Variants in CLPTM1 observed in about 807,000 individuals in gnomAD.
CLPTM1 encodes the protein CLPTM1 regulator of GABA type A receptor forward trafficking, also known as putative lipid scramblase CLPTM1.
Under a neutral mutation model 77.3 loss-of-function variants are expected in CLPTM1, and 21 were observed. The ratio of observed to expected loss-of-function variants is 0.27; its 90% CI spans 0.19 to 0.39. The LOEUF (loss-of-function observed/expected upper bound fraction) is 0.39. CLPTM1 is among the 10% of genes least tolerant of loss of function. The probability of loss-of-function intolerance (pLI) is 1.00; values close to 1 mark genes in which losing one functional copy is unlikely to be tolerated. For synonymous variants in CLPTM1, 373 were observed against 381.0 expected (o/e 0.98, Z 0.24); for missense variants, 642 against 921.2 (o/e 0.70, Z 3.92).
At chr19:44,965,262 G>A (rs966564469) in intron 2 of CLPTM1, among the ~76,000 whole-genome samples, 28 of 152,174 alleles carry the variant, frequency 1.8e-4, no homozygotes, top group African/African-American at 6.8e-4. Context: ...CACTTTGGGA[G>A]ACCGAGGCAG....
chr19:44,975,490 G>A (rs976495635), intron 4 of CLPTM1, among the ~76,000 whole-genome samples: 2 of 152,192 alleles, frequency 1.3e-5, no homozygotes, highest in African/African-American at 4.8e-5. Context: ...TTGGGGTGGA[G>A]GGCACATTTC....
Position 44,991,379 on chromosome 19 carries a change from C to T in CLPTM1, c.1555+6C>T, listed in dbSNP as rs767955518. The T allele has an allele frequency of 6.3e-5, 101 of 1,609,920 alleles. 1 individual carries two copies. The highest frequency in any genetic ancestry group is 2.4e-5 in the Non-Finnish European group (28 of 1,179,728). On this transcript the variant is annotated splice_donor_region_variant and intron_variant, in intron 12 of 13. Transcript: ENST00000337392. The surrounding 1 kb of genome is among the most constrained non-coding windows in gnomAD (Gnocchi z 5.4). ...CGGCTTCCTGCTGACCTTCGGTGAG[C>T]GGTCCGGCCGCCCCAGGAGAGAGCA... is the stretch of plus-strand genomic sequence containing the variant.
At chr19:44,978,543 G>A (rs949896817) in intron 5 of CLPTM1, among the ~76,000 whole-genome samples, 13 of 152,202 alleles carry the variant, frequency 8.5e-5, no homozygotes, top group African/African-American at 3.1e-4. Flanking sequence ...TGAGGTGGGA[G>A]GATCGCTTGA....
At chr19:44,955,647 G>A in intron 1 of CLPTM1, 180 bp downstream of exon 1, 1 of 545,384 alleles carries the variant, frequency 1.8e-6, no homozygotes, top group South Asian at 9.6e-5. Context: ...CCGGGAACAG[G>A]GCCCTGTTGC....
chr19:44,984,118 G>A (rs934808741), intron 5 of CLPTM1, among the ~76,000 whole-genome samples: 1 of 152,244 alleles, frequency 6.6e-6, no homozygotes, highest in East Asian at 1.9e-4. Flanking sequence ...GCCAACTCCT[G>A]GCTGGGGATT....
intron 2 of CLPTM1, among the ~76,000 whole-genome samples, chr19:44,972,793 G>A (rs1970742316): frequency 6.6e-6 from 1 of 151,890 alleles, no homozygotes; most frequent in Non-Finnish European, 1.5e-5. Context: ...GCAGCCCTGT[G>A]GTCACCAGGA....
chr19:44,981,483 G>A (rs547972787), intron 5 of CLPTM1, among the ~76,000 whole-genome samples: 6 of 152,206 alleles, frequency 3.9e-5, no homozygotes, highest in African/African-American at 7.2e-5. Flanking sequence ...AGTGTCCTCC[G>A]ACTCAGGAGG....
Position 44,986,455 on chromosome 19 carries a change from A to T in CLPTM1, c.673A>T (p.Arg225Trp). 6.2e-7 allele frequency: 1 copy of T among 1,613,666 alleles called. No homozygotes were observed. The highest frequency in any genetic ancestry group is 8.5e-7 in the Non-Finnish European group (1 of 1,179,790). ...ETEADPEMIK[R>W]AEDYGPVEVI... is the part of the protein sequence containing the mutation. ...GGTCCTTCCCCCCATGTTGCCTCAGAGGGCTGAGGACTATGGGCCTGTGGA... is the reference window on the plus strand; with the variant it reads ...GGTCCTTCCCCCCATGTTGCCTCAGTGGGCTGAGGACTATGGGCCTGTGGA... The change falls in exon 7 of 14, where the codon AGG becomes TGG. Residue 225 changes from arginine (R) to tryptophan (W), a missense_variant and splice_region_variant. Physicochemically the swap from Arg to Trp is moderately radical, Grantham distance 101. This residue lies in a region of CLPTM1 where 521 missense variants were observed against 800.4 expected (regional missense o/e 0.65). Transcript: ENST00000337392.
chr19:44,991,075 A>G lies in CLPTM1; in HGVS notation c.1419+130A>G, dbSNP rs1971067061. 11 of 1,265,364 alleles carry G rather than the reference A, an allele frequency of 8.7e-6. No individual in the cohort carries two copies. Among genetic ancestry groups the G allele is most frequent in the Non-Finnish European group, 1.2e-5 (11 of 923,486 alleles). The allele number at this position is 1,265,364 out of a possible 1,614,324, so 78.4% of individuals were successfully genotyped here. A position where few individuals can be genotyped will look rare whatever the true frequency, so the allele number is the denominator to read the frequency against. The stretch of plus-strand genomic sequence containing the variant: ...CTGTGCCACATCCTCTGTGTCCCCC[A>G]TCTGCCATAACTGCTTCCCTGGGCG... On this transcript the variant is annotated intron_variant, in intron 11 of 13. Coordinates refer to ENST00000337392, the MANE Select transcript of CLPTM1 (RefSeq NM_001294.4). The surrounding 1 kb of genome is among the most constrained non-coding windows in gnomAD (Gnocchi z 5.4).
chr19:44,980,183 A>G (rs1243625549), intron 5 of CLPTM1, among the ~76,000 whole-genome samples: 1 of 151,860 alleles, frequency 6.6e-6, no homozygotes, highest in Admixed American at 6.6e-5. Flanking sequence ...CCACCCACAA[A>G]CTCCAGGGTG....
intron 7 of CLPTM1, chr19:44,986,892 T>G: frequency 1.9e-6 from 1 of 527,952 alleles, no homozygotes; most frequent in Non-Finnish European, 3.3e-6. Flanking sequence ...AAAGCCACAA[T>G]TTCTGGCTTA....
intron 2 of CLPTM1, among the ~76,000 whole-genome samples, chr19:44,970,898 T>A (rs938963375): frequency 1.4e-5 from 2 of 144,400 alleles, no homozygotes; most frequent in South Asian, 4.4e-4. Context: ...TGGCACGATC[T>A]CGGTTCACTG....
In CLPTM1 at chr19:44,974,617, TC is replaced by T; in HGVS notation, c.468+21del. 6.2e-7 allele frequency: 1 copy of T among 1,606,666 alleles called. No individual in the cohort carries two copies. Among genetic ancestry groups the T allele is most frequent in the Non-Finnish European group, 8.5e-7 (1 of 1,176,278 alleles). ...CCACAGGTGGGGGCAGCTCTCGGTTTCTGGCCCCATGGCTGCTTGACTGGCA... is the reference window on the plus strand; with the variant it reads ...CCACAGGTGGGGGCAGCTCTCGGTTTTGGCCCCATGGCTGCTTGACTGGCA... On this transcript the variant is annotated intron_variant, in intron 4 of 13. Transcript: ENST00000337392.
intron 1 of CLPTM1, among the ~76,000 whole-genome samples, chr19:44,956,307 T>A (rs920715236): frequency 3.3e-5 from 5 of 152,276 alleles, no homozygotes; most frequent in Admixed American, 1.3e-4. Context: ...TTCCTTTCCC[T>A]CTTTAGGCCT....
upstream of CLPTM1, chr19:44,954,716 G>A (rs1970429325): frequency 2.5e-6 from 3 of 1,219,940 alleles, no homozygotes; most frequent in Non-Finnish European, 2.1e-6. Context: ...GGACCACTGA[G>A]GGAACGCGCA....
chr19:44,955,656 G>C, intron 1 of CLPTM1, 189 bp downstream of exon 1: 1 of 496,890 alleles, frequency 2.0e-6, no homozygotes, highest in Non-Finnish European at 3.1e-6. Flanking sequence ...GGGCCCTGTT[G>C]CGGGTCGGTT....
chr19:44,960,510 G>A (rs983616296), intron 1 of CLPTM1, among the ~76,000 whole-genome samples: 2 of 152,214 alleles, frequency 1.3e-5, no homozygotes, highest in African/African-American at 4.8e-5. Context: ...AGGTCTGTTT[G>A]ACCCTGGAGC....
At chr19:44,970,893 C>T (rs565934786) in intron 2 of CLPTM1, among the ~76,000 whole-genome samples, 3 of 143,566 alleles carry the variant, frequency 2.1e-5, no homozygotes, top group East Asian at 2.0e-4. Flanking sequence ...TGCCATGGCA[C>T]GATCTCGGTT....
Position 44,992,194 on chromosome 19 carries a change from G to C in CLPTM1, c.1556-39G>C, listed in dbSNP as rs1395174908. On this transcript the variant is annotated intron_variant, in intron 12 of 13. Transcript: ENST00000337392. This position sits in a 1 kb window ranked among gnomAD's most constrained non-coding sequence, Gnocchi z 7.7. ...TGCAGAGTGCACAGGGGAGAGGTGG[G>C]AGAGGCCATCCCTCTGCTCATGGGT... 51 of 1,609,326 alleles carry C rather than the reference G, an allele frequency of 3.2e-5. No individual in the cohort carries two copies. The highest frequency in any genetic ancestry group is 4.2e-5 in the Non-Finnish European group (50 of 1,176,654).
Sources: gnomAD v4.1 joint callset for allele counts (sites outside exome capture counted in the v4.1 genomes callset) on GRCh38, gnomAD v4.1.1 for gene constraint, gnomAD v4.1.1 regional missense constraint, Gnocchi (gnomAD v3.1) non-coding constraint, MANE v1.5 for transcripts, NCBI Gene and HGNC (gene_info 2026-07-23, HGNC 2026-07-21) for gene names.